NOMO1: variants seen among roughly 807,000 people sequenced by gnomAD.
NOMO1 encodes the protein nodal modulator 3.
Under a neutral mutation model 133.8 loss-of-function variants are expected in NOMO1, and 40 were observed. The observed-to-expected ratio is 0.30, with a 90% CI of 0.23 to 0.39. The LOEUF (loss-of-function observed/expected upper bound fraction) is 0.39. Ranked by LOEUF, NOMO1 falls within the 10% of genes least tolerant of loss-of-function variation. NOMO1 has a pLI of 1.00. For synonymous variants in NOMO1, 236 were observed against 570.5 expected, an observed-to-expected ratio of 0.41 and a Z score of 8.36; for missense variants, 462 against 1,419.9, an observed-to-expected ratio of 0.33 and a Z score of 10.84.
chr16:14,866,994 G>T (rs1219911270), intron 15 of NOMO1, among the ~76,000 whole-genome samples: 2 of 146,584 alleles, frequency 1.4e-5, no homozygotes, highest in Non-Finnish European at 3.0e-5. Context: ...AATAGCTTTG[G>T]GTAAATTCGT....
chr16:14,887,516 G>A (rs1964344360), intron 28 of NOMO1, among the ~76,000 whole-genome samples: 1 of 151,552 alleles, frequency 6.6e-6, no homozygotes, highest in Admixed American at 6.6e-5. Context: ...TAGCCAGGAT[G>A]GTCTTGATCT....
At chr16:14,857,687 G>A (rs1166787802) in intron 11 of NOMO1, 32 bp downstream of exon 11, 3 of 1,613,514 alleles carry the variant, frequency 1.9e-6, no homozygotes, top group East Asian at 2.2e-5. Context: ...GGAAGCGCCA[G>A]TAAATATGCT....
intron 28 of NOMO1, 114 bp from the exon 29 acceptor site, chr16:14,888,982 G>A: frequency 6.7e-7 from 1 of 1,487,622 alleles, no homozygotes; most frequent in Non-Finnish European, 9.1e-7. Context: ...TAGTCTTGGG[G>A]ATTTCTTTAA....
At chr16:14,867,679 C>T (rs868277560) in intron 15 of NOMO1, among the ~76,000 whole-genome samples, 10 of 147,952 alleles carry the variant, frequency 6.8e-5, no homozygotes, top group African/African-American at 2.0e-4. Flanking sequence ...CAGATGTCAT[C>T]GTCAGGTCTT....
chr16:14,867,774 C>T (rs375722596), intron 15 of NOMO1, among the ~76,000 whole-genome samples: 856 of 148,828 alleles, frequency 5.8e-3, no homozygotes, highest in Middle Eastern at 0.021. Context: ...TACAAAAACT[C>T]GACAGGTCGA....
chr16:14,859,133 G>C (rs1391103514), intron 11 of NOMO1, among the ~76,000 whole-genome samples: 6 of 151,968 alleles, frequency 3.9e-5, no homozygotes, highest in African/African-American at 1.5e-4. Flanking sequence ...CAGAGTGCCA[G>C]GTGGCCCAGG....
At position 14,856,861 on chromosome 16, in the gene NOMO1, G is replaced by T. The variant is rs576555638; in HGVS notation, c.964-356G>T. On this transcript the variant is annotated intron_variant, in intron 9 of 30. Coordinates refer to ENST00000287667, the MANE Select transcript of NOMO1 (RefSeq NM_014287.4). ...AAGTGATGCCGGGGTGTGCATGGGA[G>T]ACTGGAGGAAGACGTGGTTCACCAA... Among the ~76,000 whole-genome samples, 271 of 152,028 alleles carry T rather than the reference G, an allele frequency of 1.8e-3. 1 individual carries two copies. Among genetic ancestry groups the T allele is most frequent in the African/African-American group, 6.0e-3 (249 of 41,418 alleles).
At chr16:14,838,563 C>A in intron 2 of NOMO1, 67 bp downstream of exon 2, 1 of 1,611,478 alleles carries the variant, frequency 6.2e-7, no homozygotes, top group Non-Finnish European at 8.5e-7. Flanking sequence ...CTGCATTAAC[C>A]ATGCCCTTTC....
chr16:14,842,114 C>T (rs2606855), intron 3 of NOMO1, among the ~76,000 whole-genome samples: 7 of 151,948 alleles, frequency 4.6e-5, no homozygotes, highest in Middle Eastern at 3.4e-3. Context: ...GCTGGGGAGT[C>T]GGGGATGGGG....
At chr16:14,845,147 G>A (rs536012522) in intron 4 of NOMO1, among the ~76,000 whole-genome samples, 2 of 151,502 alleles carry the variant, frequency 1.3e-5, no homozygotes, top group South Asian at 2.1e-4. Flanking sequence ...TCACCCTCCC[G>A]CTCCTTCACC....
At chr16:14,891,941 T>C (rs1291838886) in intron 29 of NOMO1, among the ~76,000 whole-genome samples, 5 of 152,172 alleles carry the variant, frequency 3.3e-5, no homozygotes, top group African/African-American at 9.6e-5. Context: ...AGAGACCTGG[T>C]TAGAAAGTGC....
intron 6 of NOMO1, among the ~76,000 whole-genome samples, chr16:14,850,065 A>C (rs1963734988): frequency 6.6e-6 from 1 of 151,194 alleles, no homozygotes; most frequent in Non-Finnish European, 1.5e-5. Context: ...CCCCTAGCTA[A>C]GGATACAGTC....
At position 14,875,042 on chromosome 16, in the gene NOMO1, C is replaced by T. The variant is rs147619204; in HGVS notation, c.2061C>T (p.Ser687=). ...MMDVTVTIKS[S]IDSEPALVLG... ...GGGGCCGTCTTTCTTCTAGGTCTTC[C>T]ATCGACAGTGAACCCGCCTTGGTCT... The change falls in exon 19 of 31, where the codon TCC becomes TCT. Residue 687 remains serine, a synonymous_variant. Transcript: ENST00000287667. 3 of 1,613,796 alleles carry T rather than the reference C, an allele frequency of 1.9e-6. No homozygotes were observed. Among genetic ancestry groups the T allele is most frequent in the East Asian group, 4.5e-5 (2 of 44,870 alleles).
At chr16:14,860,274 A>T (rs746424095) in intron 11 of NOMO1, among the ~76,000 whole-genome samples, 2 of 151,584 alleles carry the variant, frequency 1.3e-5, no homozygotes, top group East Asian at 1.9e-4. Flanking sequence ...AGGCTGAGGC[A>T]GGAGAATCGC....
chr16:14,874,710 C>G (rs527441445), intron 18 of NOMO1, among the ~76,000 whole-genome samples: 3 of 151,980 alleles, frequency 2.0e-5, no homozygotes, highest in Admixed American at 2.0e-4. Context: ...GAGCAGTTCT[C>G]AGCGAAGGTA....
intron 6 of NOMO1, among the ~76,000 whole-genome samples, chr16:14,850,678 T>C (rs1963744696): frequency 6.6e-6 from 1 of 151,754 alleles, no homozygotes; most frequent in Admixed American, 6.6e-5. Context: ...ATTTTTACTC[T>C]GTAGGTTTTA....
chr16:14,883,624 A>C (rs1222224394), intron 26 of NOMO1, among the ~76,000 whole-genome samples: 14 of 151,144 alleles, frequency 9.3e-5, no homozygotes. Flanking sequence ...GAGCCACCGC[A>C]CTGGGCCGGA....
intron 27 of NOMO1, among the ~76,000 whole-genome samples, 164 bp from the exon 28 acceptor site, chr16:14,886,597 A>T (rs1206458128): frequency 4.6e-5 from 7 of 151,044 alleles, no homozygotes; most frequent in Non-Finnish European, 1.0e-4. Context: ...ATGGAGTCTC[A>T]GATGACAGAG....
At position 14,866,678 on chromosome 16, in the gene NOMO1, A is replaced by G; in HGVS notation, c.1793A>G (p.His598Arg). ...TGYMLRCSLSHAITLEFYQDG... is the reference protein window; with the variant it reads ...TGYMLRCSLSRAITLEFYQDG... The stretch of plus-strand genomic sequence containing the variant: ...TACATGCTGAGATGTTCCCTGTCTC[A>G]CGCCATCACTCTGGTATGTACGGCT... The change falls in exon 15 of 31, where the codon CAC becomes CGC. Residue 598 changes from histidine (H) to arginine (R), a missense_variant. Physicochemically the swap from His to Arg is conservative, Grantham distance 29. Transcript: ENST00000287667. 6.2e-7 allele frequency: 1 copy of G among 1,610,132 alleles called. No individual in the cohort carries two copies. The highest frequency in any genetic ancestry group is 1.4e-5 in the African/African-American group (1 of 73,726).
Sources: gnomAD v4.1 joint callset for allele counts (sites outside exome capture counted in the v4.1 genomes callset) on GRCh38, gnomAD v4.1.1 for gene constraint, MANE v1.5 for transcripts, NCBI Gene and HGNC (gene_info 2026-07-23, HGNC 2026-07-21) for gene names.